SARNP: variants seen among roughly 807,000 people sequenced by gnomAD.
The protein encoded by SARNP is SAP domain containing ribonucleoprotein, also known as SAP domain-containing ribonucleoprotein.
Under a neutral mutation model 38.1 loss-of-function variants are expected in SARNP, and 5 were observed. The observed-to-expected ratio is 0.13, with a 90% CI of 0.07 to 0.28. The LOEUF is 0.28. Among genes scored for constraint, SARNP ranks in the 10% least tolerant of loss-of-function variants. The pLI is 1.00. For synonymous variants in SARNP, 84 were observed against 80.6 expected, an observed-to-expected ratio of 1.04 and a Z score of -0.23; for missense variants, 180 against 243.9, an observed-to-expected ratio of 0.74 and a Z score of 1.75.
intron 8 of SARNP, among the ~76,000 whole-genome samples, chr12:55,789,839 G>A (rs1165534891): frequency 6.6e-6 from 1 of 151,306 alleles, no homozygotes; most frequent in East Asian, 1.9e-4. Flanking sequence ...AGCTACTTGG[G>A]AGGCTGAGGC....
chr12:55,756,692 C>G (rs1057443729), downstream of SARNP: 7 of 152,216 alleles, frequency 4.6e-5, no homozygotes, highest in African/African-American at 1.7e-4. Context: ...TCCAGTTCCA[C>G]TGCTTATGTT....
At chr12:55,807,190 C>T (rs1880172461) in intron 1 of SARNP, among the ~76,000 whole-genome samples, 2 of 152,152 alleles carry the variant, frequency 1.3e-5, no homozygotes, top group Admixed American at 6.5e-5. Flanking sequence ...TCAATTACTA[C>T]AAAAATGAGC....
intron 10 of SARNP, 88 bp from the exon 11 acceptor site, chr12:55,757,641 C>G (rs1878552089): frequency 2.0e-6 from 2 of 1,009,256 alleles, no homozygotes; most frequent in African/African-American, 3.3e-5. Flanking sequence ...CTCACATGAA[C>G]TGTCACAAGG....
intron 1 of SARNP, among the ~76,000 whole-genome samples, chr12:55,805,741 C>T (rs559361818): frequency 6.6e-6 from 1 of 152,200 alleles, no homozygotes; most frequent in Admixed American, 6.5e-5. Flanking sequence ...CCCAGCTATT[C>T]AGGAGGCTGA....
chr12:55,805,623 G>C (rs1880115817), intron 1 of SARNP, among the ~76,000 whole-genome samples: 1 of 152,218 alleles, frequency 6.6e-6, no homozygotes, highest in Non-Finnish European at 1.5e-5. Context: ...TAGGCAGGCA[G>C]ATCAACTGAA....
intron 4 of SARNP, among the ~76,000 whole-genome samples, chr12:55,797,541 C>T (rs1478716994): frequency 1.3e-5 from 2 of 152,272 alleles, no homozygotes; most frequent in East Asian, 1.9e-4. Flanking sequence ...TAATGTTTTA[C>T]TTGAAATCCA....
intron 7 of SARNP, among the ~76,000 whole-genome samples, chr12:55,791,145 T>C (rs1399137928): frequency 6.6e-6 from 1 of 152,178 alleles, no homozygotes; most frequent in Non-Finnish European, 1.5e-5. Flanking sequence ...CAAATTTCCA[T>C]GGAGAAAAAA....
intron 9 of SARNP, among the ~76,000 whole-genome samples, chr12:55,777,365 T>G (rs1879210518): frequency 6.6e-6 from 1 of 151,656 alleles, no homozygotes; most frequent in African/African-American, 2.4e-5. Context: ...TTTTAAAAAC[T>G]TTTCCTTTTT....
rs186101994 is a variant in SARNP, at chr12:55,785,411, A to C, written c.501+3664T>G. ...TTTACCAACAGAACTGAACTAAGAA[A>C]AAAGGAAGAAAACTAACATTTATTG... On this transcript the variant is annotated intron_variant, in intron 9 of 10. Transcript: ENST00000336133. Among the ~76,000 whole-genome samples the C allele has an allele frequency of 1.4e-3, 220 of 152,294 alleles. 1 individual carries two copies. Among genetic ancestry groups the C allele is most frequent in the African/African-American group, 5.1e-3 (213 of 41,558 alleles).
At chr12:55,773,658 C>T (rs954122309) in intron 9 of SARNP, among the ~76,000 whole-genome samples, 2 of 152,272 alleles carry the variant, frequency 1.3e-5, no homozygotes, top group African/African-American at 4.8e-5. Context: ...ACAGAACTGA[C>T]ACAAAGGAAA....
intron 9 of SARNP, among the ~76,000 whole-genome samples, chr12:55,767,148 G>T (rs1166143065): frequency 6.6e-6 from 1 of 152,180 alleles, no homozygotes; most frequent in African/African-American, 2.4e-5. Context: ...ATAAATGTTA[G>T]CTATTACTTT....
chr12:55,785,301 A>G (rs1241729316), intron 9 of SARNP, among the ~76,000 whole-genome samples: 2 of 152,188 alleles, frequency 1.3e-5, no homozygotes, highest in African/African-American at 4.8e-5. Flanking sequence ...AGAGACTTAA[A>G]ATGGGCGCTG....
rs555995661 is a variant in SARNP at position 55,790,172 on chromosome 12, T to A, written c.432+395A>T. Among the ~76,000 whole-genome samples the A allele has an allele frequency of 6.6e-3, 886 of 134,710 alleles. 12 individuals are homozygous for A. Among genetic ancestry groups the A allele is most frequent in the Admixed American group, 0.034 (456 of 13,386 alleles). 88.4% of individuals were successfully genotyped at this position (134,710 alleles called of 152,430 possible). A position where few individuals can be genotyped will look rare whatever the true frequency, so the allele number is the denominator to read the frequency against. On this transcript the variant is annotated intron_variant, in intron 8 of 10. Coordinates refer to ENST00000336133, the MANE Select transcript of SARNP (RefSeq NM_033082.4). Reference sequence around the variant, plus strand: ...ATTTCACATTTCACGGATAGTATTTTAAAAAAAAAAAAAAAAGCACTATCT... The same window carrying A: ...ATTTCACATTTCACGGATAGTATTTAAAAAAAAAAAAAAAAAGCACTATCT...
At chr12:55,789,164 G>T (rs758874516) in intron 8 of SARNP, 21 bp from the exon 9 acceptor site, 1 of 1,530,360 alleles carries the variant, frequency 6.5e-7, no homozygotes, top group Non-Finnish European at 8.9e-7. Context: ...ATAGGGGAAA[G>T]AACATAGTTT....
chr12:55,761,044 G>T (rs994389519), intron 9 of SARNP, among the ~76,000 whole-genome samples: 2 of 151,978 alleles, frequency 1.3e-5, no homozygotes, highest in African/African-American at 4.8e-5. Flanking sequence ...GGGTGTGGTG[G>T]CGGGCGCCTG....
chr12:55,817,538 G>A, intron 1 of SARNP, 128 bp downstream of exon 1: 3 of 807,234 alleles, frequency 3.7e-6, no homozygotes, highest in Non-Finnish European at 6.0e-6. Context: ...GCACAAAAGA[G>A]CTACGGCGGG....
At chr12:55,776,752 C>T (rs1879194285) in intron 9 of SARNP, among the ~76,000 whole-genome samples, 1 of 152,116 alleles carries the variant, frequency 6.6e-6, no homozygotes, top group African/African-American at 2.4e-5. Flanking sequence ...ATTAGATATA[C>T]AACTGGATAT....
chr12:55,789,064 G>GC lies in SARNP; in HGVS notation c.501+10dup. On this transcript the variant is annotated intron_variant, in intron 9 of 10. Coordinates refer to ENST00000336133, the MANE Select transcript of SARNP (RefSeq NM_033082.4). ...GTCACAAAAACATTACTTCCATCGA[G>GC]CCTACATTACCTTTCTGGAGATTGA... 6.3e-7 allele frequency: 1 copy of GC among 1,581,160 alleles called. No individual in the cohort carries two copies. Among genetic ancestry groups the GC allele is most frequent in the Non-Finnish European group, 8.7e-7 (1 of 1,154,884 alleles).
intron 9 of SARNP, among the ~76,000 whole-genome samples, chr12:55,783,583 G>T (rs1879401810): frequency 1.3e-5 from 2 of 152,002 alleles, no homozygotes; most frequent in Admixed American, 1.3e-4. Context: ...AGGGGAGGCT[G>T]GGGGGAGGTG....
Sources: gnomAD v4.1 joint callset for allele counts (sites outside exome capture counted in the v4.1 genomes callset) on GRCh38, gnomAD v4.1.1 for gene constraint, MANE v1.5 for transcripts, NCBI Gene and HGNC (gene_info 2026-07-23, HGNC 2026-07-21) for gene names.